CDHR3: variants seen among roughly 807,000 people sequenced by gnomAD.
The protein encoded by CDHR3 is cadherin-related family member 3.
In CDHR3, 79 loss-of-function variants were observed where a neutral mutation model predicts 86.6. That is an observed-to-expected ratio of 0.91 (90% CI 0.76 to 1.10). CDHR3 has a LOEUF of 1.10. CDHR3 is among the 50% of genes least tolerant of loss of function. The probability of loss-of-function intolerance (pLI) is 0.00; values close to 1 mark genes in which losing one functional copy is unlikely to be tolerated. For synonymous variants in CDHR3, 421 were observed against 402.4 expected, an observed-to-expected ratio of 1.05 and a Z score of -0.55; for missense variants, 1,081 against 1,077.6, an observed-to-expected ratio of 1.00 and a Z score of -0.04.
chr7:106,022,119 A>G (rs1836656600), intron 13 of CDHR3, 79 bp from the exon 14 acceptor site: 2 of 1,534,902 alleles, frequency 1.3e-6, no homozygotes, highest in East Asian at 4.5e-5. Context: ...AAAAGATTGA[A>G]TGCAGTTTTC....
intron 1 of CDHR3, among the ~76,000 whole-genome samples, chr7:105,972,452 G>A (rs1475688165): frequency 6.6e-6 from 1 of 152,104 alleles, no homozygotes; most frequent in Non-Finnish European, 1.5e-5. Context: ...TGAGAATGTG[G>A]GCATCCCATG....
chr7:105,996,993 G>C (rs1413585432), intron 6 of CDHR3, among the ~76,000 whole-genome samples: 3 of 152,156 alleles, frequency 2.0e-5, no homozygotes, highest in Non-Finnish European at 4.4e-5. Flanking sequence ...AGGAGGAAAA[G>C]ATGGGATTCT....
intron 6 of CDHR3, among the ~76,000 whole-genome samples, chr7:105,997,684 G>T (rs1367548567): frequency 6.6e-6 from 1 of 152,162 alleles, no homozygotes; most frequent in African/African-American, 2.4e-5. Context: ...CTGGGAGGAG[G>T]GGAGGAAGGT....
Position 105,963,351 on chromosome 7 carries a change from G to C in CDHR3, c.33G>C (p.Leu11=). The C allele has an allele frequency of 6.2e-7, 1 of 1,613,990 alleles. No individual in the cohort carries two copies. Among genetic ancestry groups the C allele is most frequent in the Non-Finnish European group, 8.5e-7 (1 of 1,179,878 alleles). Reference sequence around the variant, plus strand: ...AAGCAATCATTCTCCTGGCTCTCCTGGGTGCCATGTCAGGTAGGAACTCAA... The same window carrying C: ...AAGCAATCATTCTCCTGGCTCTCCTCGGTGCCATGTCAGGTAGGAACTCAA... MQEAIILLAL[L]GAMSGGEALH... The change falls in exon 1 of 19, where the codon CTG becomes CTC. Residue 11 remains leucine (L), a synonymous_variant. Coordinates refer to ENST00000317716, the MANE Select transcript of CDHR3 (RefSeq NM_152750.5).
At position 105,975,038 on chromosome 7, in the gene CDHR3, T is replaced by A; in HGVS notation, c.241T>A (p.Tyr81Asn). The change falls in exon 2 of 19, where the codon TAC becomes AAC. Residue 81 changes from tyrosine (Y) to asparagine (N), a missense_variant. Tyr to Asn is a moderately radical substitution (Grantham distance 143). Transcript: ENST00000317716. Reference protein sequence around the residue: ...AFRVNWLSGTYFEVVTTGMEQ... With the variant: ...AFRVNWLSGTNFEVVTTGMEQ... ...TAGGGTGAATTGGCTGTCAGGCACCTACTTTGAGGTAAGTAACAACTTACC... is the reference window on the plus strand; with the variant it reads ...TAGGGTGAATTGGCTGTCAGGCACCAACTTTGAGGTAAGTAACAACTTACC... 1 of 1,613,188 alleles carries A rather than the reference T, an allele frequency of 6.2e-7. No homozygotes were observed. Among genetic ancestry groups the A allele is most frequent in the Non-Finnish European group, 8.5e-7 (1 of 1,179,126 alleles).
chr7:106,021,365 C>A (rs2115882531), intron 13 of CDHR3, among the ~76,000 whole-genome samples: 1 of 152,260 alleles, frequency 6.6e-6, no homozygotes, highest in Admixed American at 6.5e-5. Flanking sequence ...GTCACAAAAC[C>A]CAGGGGCAGA....
chr7:106,015,843 C>CA (rs1490484301), intron 10 of CDHR3, 84 bp from the exon 11 acceptor site: 6 of 1,024,760 alleles, frequency 5.9e-6, no homozygotes, highest in Non-Finnish European at 8.9e-6. Context: ...AAAGCCTGTA[C>CA]ACAGGAGATT....
At chr7:106,006,464 G>A (rs548129578) in intron 8 of CDHR3, among the ~76,000 whole-genome samples, 1 of 152,294 alleles carries the variant, frequency 6.6e-6, no homozygotes, top group South Asian at 2.1e-4. Context: ...AAGCAAGTTA[G>A]TTACTTCCTA....
At position 105,996,402 on chromosome 7, in the gene CDHR3, C is replaced by G. The variant is rs371882137; in HGVS notation, c.713+48C>G. On this transcript the variant is annotated intron_variant, in intron 6 of 18. Coordinates refer to ENST00000317716, the MANE Select transcript of CDHR3 (RefSeq NM_152750.5). ...CTCCCTGGGCCGCAGGTGCGTCCTT[C>G]TTAGGCGGCCTCGTCTCCTCCGGCA... 17 of 1,074,296 alleles carry G rather than the reference C, an allele frequency of 1.6e-5. No individual in the cohort carries two copies. In the African/African-American group the frequency reaches 2.2e-4, roughly 14 times the overall value. The allele number at this position is 1,074,296 out of a possible 1,614,324, so 66.5% of individuals were successfully genotyped here. A position where few individuals can be genotyped will look rare whatever the true frequency, so the allele number is the denominator to read the frequency against.
chr7:106,034,424 A>G lies in CDHR3; in HGVS notation c.*1727A>G, dbSNP rs981380607. ...GTGGGAGACAGACTGGATCCAGCAAATGTAGAGCTTCAGAGAGAGCAGCAG... is the reference window on the plus strand; with the variant it reads ...GTGGGAGACAGACTGGATCCAGCAAGTGTAGAGCTTCAGAGAGAGCAGCAG... On this transcript the variant is annotated 3_prime_UTR_variant, in exon 19 of 19. Coordinates refer to ENST00000317716, the MANE Select transcript of CDHR3 (RefSeq NM_152750.5). Among the ~76,000 whole-genome samples the G allele has an allele frequency of 4.1e-5, 6 of 146,804 alleles. No individual in the cohort carries two copies. The highest frequency in any genetic ancestry group is 7.5e-5 in the African/African-American group (3 of 40,070).
chr7:106,005,351 CT>C (rs1180842219), intron 8 of CDHR3, among the ~76,000 whole-genome samples: 1 of 152,204 alleles, frequency 6.6e-6, no homozygotes, highest in Non-Finnish European at 1.5e-5. Flanking sequence ...GGTTAATAAG[CT>C]TTTTGAAAAC....
intron 6 of CDHR3, among the ~76,000 whole-genome samples, chr7:105,998,807 G>GA (rs562780470): frequency 1.3e-3 from 186 of 142,136 alleles, no homozygotes; most frequent in African/African-American, 3.7e-3. Flanking sequence ...AAAAGAAAAA[G>GA]AAAAAAAAAA....
chr7:106,031,074 T>G (rs1388959550), intron 18 of CDHR3, among the ~76,000 whole-genome samples: 2 of 152,202 alleles, frequency 1.3e-5, no homozygotes, highest in Non-Finnish European at 2.9e-5. Flanking sequence ...TCAGTGGGTC[T>G]CCACCTAAAG....
At chr7:105,995,073 G>T (rs1309283646) in intron 5 of CDHR3, among the ~76,000 whole-genome samples, 1 of 152,220 alleles carries the variant, frequency 6.6e-6, no homozygotes, top group East Asian at 1.9e-4. Context: ...CAGTATGGGA[G>T]AGGGTGCCCA....
rs1169196480 is a variant in CDHR3 at position 106,004,706 on chromosome 7, T to C, written c.1052+19T>C. Reference sequence around the variant, plus strand: ...CCTTCAGGTATGCACACTTTGAAAGTTGGGCTGGACATTCTATCTCTTTGG... The same window carrying C: ...CCTTCAGGTATGCACACTTTGAAAGCTGGGCTGGACATTCTATCTCTTTGG... On this transcript the variant is annotated intron_variant, in intron 8 of 18. Coordinates refer to ENST00000317716, the MANE Select transcript of CDHR3 (RefSeq NM_152750.5). 9.9e-6 allele frequency: 16 copies of C among 1,613,410 alleles called. No homozygotes were observed. Among genetic ancestry groups the C allele is most frequent in the African/African-American group, 1.3e-5 (1 of 74,934 alleles).
intron 3 of CDHR3, among the ~76,000 whole-genome samples, chr7:105,981,721 G>A (rs1244382394): frequency 1.3e-5 from 2 of 152,106 alleles, no homozygotes; most frequent in African/African-American, 4.8e-5. Context: ...CCACTTGGAT[G>A]TTTGACAGGT....
At position 106,032,341 on chromosome 7, in the gene CDHR3, C is replaced by T. The variant is rs1563317031; in HGVS notation, c.2354-52C>T. 4.0e-6 allele frequency: 6 copies of T among 1,512,722 alleles called. No homozygotes were observed. The East Asian group carries it at 1.4e-4, about 35-fold the overall frequency. The allele number at this position is 1,512,722 out of a possible 1,614,324, so 93.7% of individuals were successfully genotyped here. A position where few individuals can be genotyped will look rare whatever the true frequency, so the allele number is the denominator to read the frequency against. ...AGCAGGGTAGAAGTGGGGGAAGAGA[C>T]AGTCATTGGAATTTTCTGGCTTATG... On this transcript the variant is annotated intron_variant, in intron 18 of 18. Transcript: ENST00000317716.
chr7:105,996,616 A>C (rs1019461220), intron 6 of CDHR3, among the ~76,000 whole-genome samples: 3 of 152,148 alleles, frequency 2.0e-5, no homozygotes, highest in African/African-American at 7.2e-5. Context: ...GGGTGGACAC[A>C]TGCCCCGGGG....
chr7:105,993,677 CAAAAAAAA>C (rs55787798), intron 4 of CDHR3, among the ~76,000 whole-genome samples: 3 of 91,758 alleles, frequency 3.3e-5, no homozygotes, highest in Non-Finnish European at 6.0e-5. Flanking sequence ...CTCTGTCTCA[CAAAAAAAA>C]AAAAAAAAAA....
Sources: gnomAD v4.1 joint callset for allele counts (sites outside exome capture counted in the v4.1 genomes callset) on GRCh38, gnomAD v4.1.1 for gene constraint, MANE v1.5 for transcripts, NCBI Gene and HGNC (gene_info 2026-07-23, HGNC 2026-07-21) for gene names.